SWT1: variants seen among roughly 807,000 people sequenced by gnomAD.
SWT1 encodes the protein transcriptional protein SWT1.
A neutral mutation model predicts 107.3 loss-of-function variants in SWT1; 33 were observed. That is an observed-to-expected ratio of 0.31 (90% CI 0.23 to 0.41). The LOEUF (loss-of-function observed/expected upper bound fraction) is 0.41. Ranked by LOEUF, SWT1 falls within the 10% of genes least tolerant of loss-of-function variation. The pLI is 1.00. For synonymous variants in SWT1, 345 were observed against 348.3 expected (o/e 0.99, Z 0.11); for missense variants, 898 against 1,028.9 (o/e 0.87, Z 1.74).
At chr1:185,201,949 T>A (rs1419287286) in intron 10 of SWT1, among the ~76,000 whole-genome samples, 1 of 152,166 alleles carries the variant, frequency 6.6e-6, no homozygotes, top group African/African-American at 2.4e-5. Flanking sequence ...TTAATATATT[T>A]TTTTTTTGGT....
At chr1:185,237,219 A>G (rs144543793) in intron 16 of SWT1, among the ~76,000 whole-genome samples, 16 of 152,340 alleles carry the variant, frequency 1.1e-4, no homozygotes, top group African/African-American at 3.6e-4. Flanking sequence ...CCAAAGGACT[A>G]TATGTCATTC....
chr1:185,287,479 G>A (rs1665014410), intron 18 of SWT1, among the ~76,000 whole-genome samples: 1 of 152,146 alleles, frequency 6.6e-6, no homozygotes, highest in Non-Finnish European at 1.5e-5. Context: ...GAGGAAGAAG[G>A]GAAAGAGAGT....
At chr1:185,207,086 G>A (rs554891751) in intron 13 of SWT1, among the ~76,000 whole-genome samples, 1 of 152,284 alleles carries the variant, frequency 6.6e-6, no homozygotes, top group African/African-American at 2.4e-5. Flanking sequence ...TTTACATTCT[G>A]TTCAGATACA....
chr1:185,232,552 A>G (rs1660576642), intron 16 of SWT1, among the ~76,000 whole-genome samples: 1 of 152,176 alleles, frequency 6.6e-6, no homozygotes, highest in Non-Finnish European at 1.5e-5. Context: ...ATCAAAAGGT[A>G]TTAGTATTTT....
At chr1:185,290,396 C>T (rs113829664) in intron 18 of SWT1, among the ~76,000 whole-genome samples, 25 of 152,170 alleles carry the variant, frequency 1.6e-4, no homozygotes, top group African/African-American at 6.0e-4. Context: ...GGGCAAGATG[C>T]TGAGACTCTA....
intron 15 of SWT1, among the ~76,000 whole-genome samples, chr1:185,222,567 G>T (rs1659736851): frequency 6.6e-6 from 1 of 151,454 alleles, no homozygotes; most frequent in Admixed American, 6.6e-5. Flanking sequence ...AACCAGCCTG[G>T]CCAACATGGT....
intron 16 of SWT1, among the ~76,000 whole-genome samples, chr1:185,243,367 C>T (rs577268409): frequency 6.6e-6 from 1 of 152,284 alleles, no homozygotes; most frequent in East Asian, 1.9e-4. Flanking sequence ...TCTTCAGCTT[C>T]CCAAATTGCT....
intron 16 of SWT1, among the ~76,000 whole-genome samples, chr1:185,251,636 C>T (rs1414767750): frequency 6.6e-6 from 1 of 152,032 alleles, no homozygotes; most frequent in Non-Finnish European, 1.5e-5. Context: ...TTTGTTTTGT[C>T]ATATATTAAT....
At chr1:185,272,187 C>T (rs1456117633) in intron 17 of SWT1, among the ~76,000 whole-genome samples, 2 of 152,186 alleles carry the variant, frequency 1.3e-5, no homozygotes, top group East Asian at 3.8e-4. Context: ...TCTATAGTGG[C>T]AGCATAAACC....
chr1:185,235,770 T>G (rs969009861), intron 16 of SWT1, among the ~76,000 whole-genome samples: 26 of 152,324 alleles, frequency 1.7e-4, no homozygotes, highest in African/African-American at 5.3e-4. Flanking sequence ...ATTGTCTCCG[T>G]TTGCAGATGA....
rs576542937 is a variant in SWT1 at position 185,229,258 on chromosome 1, C to T, written c.2310-2319C>T. 2.0e-5 allele frequency among the ~76,000 whole-genome samples: 3 copies of T among 152,130 alleles called. No individual in the cohort carries two copies. In the South Asian group the frequency reaches 6.2e-4, roughly 32 times the overall value. ...TGTGGGAGAGATGATAAGAATTGGT[C>T]AAATGCTGGATATATTTTAAAGGTT... On this transcript the variant is annotated intron_variant, in intron 15 of 18. Transcript: ENST00000367500.
At chr1:185,179,885 AT>A (rs1655875881) in intron 5 of SWT1, among the ~76,000 whole-genome samples, 1 of 152,136 alleles carries the variant, frequency 6.6e-6, no homozygotes, top group Admixed American at 6.5e-5. Flanking sequence ...AACATTTTCG[AT>A]TGTCAAGATT....
intron 11 of SWT1, among the ~76,000 whole-genome samples, chr1:185,203,319 A>G (rs1383611300): frequency 6.6e-6 from 1 of 152,186 alleles, no homozygotes; most frequent in Non-Finnish European, 1.5e-5. Context: ...TAAAAATTTT[A>G]AACTAATAAT....
Position 185,269,147 on chromosome 1 carries a change from T to C in SWT1, c.2442-2176T>C, listed in dbSNP as rs539048565. Among the ~76,000 whole-genome samples the C allele has an allele frequency of 9.8e-5, 15 of 152,316 alleles. No individual in the cohort carries two copies. In the South Asian group the frequency reaches 2.5e-3, roughly 25 times the overall value. On this transcript the variant is annotated intron_variant, in intron 16 of 18. Coordinates refer to ENST00000367500, the MANE Select transcript of SWT1 (RefSeq NM_017673.7). Reference sequence around the variant, plus strand: ...GATAACAGGCGTGAGCCACCGCGCCTGGCCTGATAGTTTGTTTTCACTTGG... The same window carrying C: ...GATAACAGGCGTGAGCCACCGCGCCCGGCCTGATAGTTTGTTTTCACTTGG...
chr1:185,259,479 T>G (rs1228296857), intron 16 of SWT1, among the ~76,000 whole-genome samples: 2 of 152,154 alleles, frequency 1.3e-5, no homozygotes, highest in Non-Finnish European at 1.5e-5. Context: ...TACTGAGAAC[T>G]TAGATTCACA....
chr1:185,276,730 C>G, intron 18 of SWT1, 62 bp downstream of exon 18: 2 of 864,566 alleles, frequency 2.3e-6, no homozygotes, highest in Admixed American at 4.8e-5. Flanking sequence ...TACAGCAGCA[C>G]TTGGTGGTGG....
chr1:185,206,925 A>G (rs1462202225), intron 13 of SWT1, among the ~76,000 whole-genome samples, 162 bp downstream of exon 13: 1 of 152,242 alleles, frequency 6.6e-6, no homozygotes, highest in African/African-American at 2.4e-5. Context: ...GGATGAACAG[A>G]TGCAGCTCAT....
At chr1:185,273,482 C>T (rs1317578535) in intron 17 of SWT1, among the ~76,000 whole-genome samples, 1 of 152,008 alleles carries the variant, frequency 6.6e-6, no homozygotes, top group Non-Finnish European at 1.5e-5. Context: ...GCAGGCGGAT[C>T]ATGAGGTCAG....
chr1:185,217,818 A>C (rs1659337428), intron 14 of SWT1, among the ~76,000 whole-genome samples: 1 of 151,934 alleles, frequency 6.6e-6, no homozygotes, highest in South Asian at 2.1e-4. Context: ...CTGGTCTGGA[A>C]CTCCTGCCCT....
Sources: gnomAD v4.1 joint callset for allele counts (sites outside exome capture counted in the v4.1 genomes callset) on GRCh38, gnomAD v4.1.1 for gene constraint, MANE v1.5 for transcripts, NCBI Gene and HGNC (gene_info 2026-07-23, HGNC 2026-07-21) for gene names.